Variants in OPCML observed in about 807,000 individuals in gnomAD.
OPCML encodes the protein opioid binding protein/cell adhesion molecule like.
Under a neutral mutation model 37.8 loss-of-function variants are expected in OPCML, and 13 were observed. That is an observed-to-expected ratio of 0.34 (90% CI 0.22 to 0.55). OPCML has a LOEUF of 0.55. Among genes scored for constraint, OPCML ranks in the 20% least tolerant of loss-of-function variants. OPCML has a pLI of 0.91. For synonymous variants in OPCML, 176 were observed against 168.8 expected (o/e 1.04, Z -0.33); for missense variants, 341 against 435.6 (o/e 0.78, Z 1.93).
At chr11:133,244,196 C>G (rs1725376704) in intron 1 of OPCML, among the ~76,000 whole-genome samples, 1 of 152,164 alleles carries the variant, frequency 6.6e-6, no homozygotes, top group South Asian at 2.1e-4. Flanking sequence ...AATGCCAGCT[C>G]CACCATTCAA....
At chr11:133,293,077 GC>G (rs1221084394) in intron 1 of OPCML, among the ~76,000 whole-genome samples, 1 of 152,148 alleles carries the variant, frequency 6.6e-6, no homozygotes, top group African/African-American at 2.4e-5. Context: ...TCAGAGCTAG[GC>G]AGATAATCCA....
chr11:133,006,444 C>G, intron 1 of OPCML: 1 of 985,368 alleles, frequency 1.0e-6, no homozygotes, highest in Non-Finnish European at 1.2e-6. Context: ...ACTGGAAGAC[C>G]TTGAATAAGT....
chr11:132,909,758 C>T (rs1476191796), intron 2 of OPCML, among the ~76,000 whole-genome samples: 1 of 152,172 alleles, frequency 6.6e-6, no homozygotes, highest in African/African-American at 2.4e-5. Context: ...GGGCAGCCAC[C>T]GGCCTCTTCT....
intron 1 of OPCML, among the ~76,000 whole-genome samples, chr11:133,082,645 G>A (rs1320186766): frequency 8.0e-5 from 2 of 24,974 alleles, no homozygotes; most frequent in Non-Finnish European, 1.4e-4. Flanking sequence ...CCCGTTCTGC[G>A]CCGAGTGGCA....
chr11:132,452,242 A>G (rs1258049554), intron 4 of OPCML, among the ~76,000 whole-genome samples: 1 of 152,098 alleles, frequency 6.6e-6, no homozygotes, highest in East Asian at 1.9e-4. Flanking sequence ...GATTATTACT[A>G]TTCAAGCTTT....
chr11:133,348,061 G>GA (rs1228590807), intron 1 of OPCML, among the ~76,000 whole-genome samples: 6 of 152,048 alleles, frequency 3.9e-5, no homozygotes, highest in Non-Finnish European at 7.4e-5. Context: ...TTAATCATTT[G>GA]AAAAAAAGCT....
intron 1 of OPCML, among the ~76,000 whole-genome samples, chr11:133,139,240 A>G (rs953097855): frequency 1.3e-5 from 2 of 152,206 alleles, no homozygotes; most frequent in Non-Finnish European, 2.9e-5. Context: ...CTGAGGGTAG[A>G]AACTACATTA....
intron 2 of OPCML, among the ~76,000 whole-genome samples, chr11:132,925,704 T>C (rs1944966046): frequency 2.0e-5 from 3 of 152,256 alleles, no homozygotes; most frequent in Non-Finnish European, 4.4e-5. Context: ...AGTGAATCTC[T>C]GTATCTACCT....
intron 1 of OPCML, among the ~76,000 whole-genome samples, chr11:133,055,225 C>T (rs1280019591): frequency 2.0e-5 from 3 of 146,514 alleles, no homozygotes; most frequent in South Asian, 2.2e-4. Context: ...GGAGCCACCT[C>T]TACCATATAA....
intron 1 of OPCML, among the ~76,000 whole-genome samples, chr11:133,313,672 G>A (rs73602415): frequency 0.049 from 7,403 of 152,186 alleles, 208 homozygotes; most frequent in Middle Eastern, 0.071. Context: ...CCAGGAGCCA[G>A]GGAATGCAGG....
intron 3 of OPCML, among the ~76,000 whole-genome samples, chr11:132,599,759 A>G (rs1937722083): frequency 6.6e-6 from 1 of 152,160 alleles, no homozygotes; most frequent in Admixed American, 6.5e-5. Flanking sequence ...AAAACTTAAC[A>G]CTATTACTAT....
At chr11:132,709,220 A>G (rs1944161831) in intron 2 of OPCML, among the ~76,000 whole-genome samples, 1 of 152,178 alleles carries the variant, frequency 6.6e-6, no homozygotes, top group Non-Finnish European at 1.5e-5. Context: ...GTTTGTGATA[A>G]AAGTGCAGTC....
intron 1 of OPCML, among the ~76,000 whole-genome samples, chr11:133,520,164 G>T (rs1419077223): frequency 1.3e-5 from 2 of 152,130 alleles, no homozygotes; most frequent in African/African-American, 2.4e-5. Context: ...AGTTTATGCT[G>T]AAGTCCTGCG....
At chr11:133,385,208 T>C (rs751395340) in intron 1 of OPCML, among the ~76,000 whole-genome samples, 1 of 152,180 alleles carries the variant, frequency 6.6e-6, no homozygotes, top group Non-Finnish European at 1.5e-5. Flanking sequence ...CTGTGGCTGA[T>C]GGCCTGGGAG....
intron 1 of OPCML, among the ~76,000 whole-genome samples, chr11:133,461,257 C>T (rs920275127): frequency 5.3e-5 from 8 of 151,704 alleles, no homozygotes; most frequent in South Asian, 2.1e-4. Flanking sequence ...AATAAGTCAC[C>T]GAAATTCTAA....
chr11:133,447,108 CT>C (rs1946488428), intron 1 of OPCML, among the ~76,000 whole-genome samples: 1 of 152,138 alleles, frequency 6.6e-6, no homozygotes, highest in South Asian at 2.1e-4. Context: ...GTTTATTAAA[CT>C]GCCAAACTCA....
intron 3 of OPCML, among the ~76,000 whole-genome samples, chr11:132,537,673 T>C (rs1009804115): frequency 2.0e-5 from 3 of 152,088 alleles, no homozygotes; most frequent in African/African-American, 7.2e-5. Flanking sequence ...TATTTGAAAA[T>C]CATATATCTA....
chr11:133,060,043 A>G (rs191998098), intron 1 of OPCML, among the ~76,000 whole-genome samples: 3 of 152,336 alleles, frequency 2.0e-5, no homozygotes, highest in Admixed American at 6.5e-5. Flanking sequence ...TAGATTTGCC[A>G]CAAACTTTCC....
intron 2 of OPCML, among the ~76,000 whole-genome samples, chr11:132,780,790 T>A (rs916350693): frequency 1.3e-5 from 2 of 152,184 alleles, no homozygotes; most frequent in Non-Finnish European, 2.9e-5. Context: ...TATTTAAAAA[T>A]TTTTAATAAC....
Sources: gnomAD v4.1 joint callset for allele counts (sites outside exome capture counted in the v4.1 genomes callset) on GRCh38, gnomAD v4.1.1 for gene constraint, MANE v1.5 for transcripts, NCBI Gene and HGNC (gene_info 2026-07-23, HGNC 2026-07-21) for gene names.